Variants in PKP1 observed in about 807,000 individuals in gnomAD.
The protein encoded by PKP1 is plakophilin-1.
Under a neutral mutation model 76.4 loss-of-function variants are expected in PKP1, and 27 were observed. The ratio of observed to expected loss-of-function variants is 0.35; its 90% CI spans 0.26 to 0.49. The LOEUF (loss-of-function observed/expected upper bound fraction) is 0.49, where lower values mean the gene tolerates loss of function less well. Ranked by LOEUF, PKP1 falls within the 20% of genes least tolerant of loss-of-function variation. The probability of loss-of-function intolerance (pLI) is 0.99; values close to 1 mark genes in which losing one functional copy is unlikely to be tolerated. For synonymous variants in PKP1, 404 were observed against 384.2 expected, an observed-to-expected ratio of 1.05 and a Z score of -0.60; for missense variants, 964 against 955.2, an observed-to-expected ratio of 1.01 and a Z score of -0.12.
In PKP1 at chr1:201,324,513, A is replaced by G; in HGVS notation, c.1766A>G (p.Asp589Gly). ...CGCCTCCTGCAATCTGGCAACTCTG[A>G]TGTGGTGCGGTCCGGAGCCTCCCTC... Reference protein sequence around the residue: ...IARLLQSGNSDVVRSGASLLS... With the variant: ...IARLLQSGNSGVVRSGASLLS... The change falls in exon 10 of 14, where the codon GAT becomes GGT. Residue 589 changes from aspartate (D) to glycine (G), a missense_variant. Transcript: ENST00000367324. 1 of 1,614,122 alleles carries G rather than the reference A, an allele frequency of 6.2e-7. No individual in the cohort carries two copies.
intron 1 of PKP1, among the ~76,000 whole-genome samples, chr1:201,288,209 G>T (rs1013439908): frequency 8.5e-5 from 13 of 152,182 alleles, no homozygotes; most frequent in African/African-American, 3.1e-4. Context: ...TCTCCAAAGT[G>T]CTTTGCAATG....
At chr1:201,325,553 C>T (rs1657092273) in intron 11 of PKP1, among the ~76,000 whole-genome samples, 1 of 151,932 alleles carries the variant, frequency 6.6e-6, no homozygotes, top group African/African-American at 2.4e-5. Context: ...TCTAGGTGGG[C>T]AGGGGCATGG....
chr1:201,316,428 C>G lies in PKP1; in HGVS notation c.702-125C>G, dbSNP rs1442473492. On this transcript the variant is annotated intron_variant, in intron 3 of 13. Transcript: ENST00000367324. ...TATTCTCCAAGTGGGCCTGGGCTGC[C>G]TTGTTCTGGCTCTCCAGAGGGCAGA... is the stretch of plus-strand genomic sequence containing the variant. 17 of 1,026,224 alleles carry G rather than the reference C, an allele frequency of 1.7e-5. No homozygotes were observed. In the East Asian group the frequency reaches 3.4e-4, roughly 21 times the overall value. The allele number at this position is 1,026,224 out of a possible 1,614,324, so 63.6% of individuals were successfully genotyped here. A position where few individuals can be genotyped will look rare whatever the true frequency, so the allele number is the denominator to read the frequency against.
At chr1:201,285,304 C>T (rs1227097840) in intron 1 of PKP1, among the ~76,000 whole-genome samples, 1 of 151,528 alleles carries the variant, frequency 6.6e-6, no homozygotes, top group Non-Finnish European at 1.5e-5. Context: ...GTCCCCCCAC[C>T]TACTCCCTAG....
At chr1:201,324,319 A>T in intron 9 of PKP1, 109 bp from the exon 10 acceptor site, 1 of 1,170,606 alleles carries the variant, frequency 8.5e-7, no homozygotes, top group Non-Finnish European at 1.3e-6. Flanking sequence ...TCCAATATGA[A>T]AGAGAAAGGG....
intron 1 of PKP1, among the ~76,000 whole-genome samples, chr1:201,285,960 G>A (rs905773555): frequency 6.6e-6 from 1 of 152,230 alleles, no homozygotes; most frequent in Non-Finnish European, 1.5e-5. Flanking sequence ...CAGACTCTGC[G>A]GAGGTTCCTA....
intron 13 of PKP1, among the ~76,000 whole-genome samples, chr1:201,329,346 A>G (rs1386101925): frequency 3.3e-5 from 5 of 152,204 alleles, no homozygotes; most frequent in African/African-American, 1.2e-4. Context: ...CTCAGAACCA[A>G]TCCTATGATG....
intron 10 of PKP1, 107 bp downstream of exon 10, chr1:201,324,688 C>A: frequency 7.1e-7 from 1 of 1,417,212 alleles, no homozygotes; most frequent in Non-Finnish European, 9.9e-7. Context: ...GATGAGCATT[C>A]CAAGAAAGGA....
intron 12 of PKP1, among the ~76,000 whole-genome samples, chr1:201,327,676 C>T (rs1462922612): frequency 4.6e-5 from 7 of 151,526 alleles, no homozygotes; most frequent in African/African-American, 9.7e-5. Context: ...TTCCCTTCTA[C>T]ACATGCCTTT....
At position 201,328,815 on chromosome 1, in the gene PKP1, G is replaced by C; in HGVS notation, c.2160G>C (p.Arg720Ser). ...LGTLAGANSL[R>S]NFTSRF ...CCTTAGCTGGGGCCAACAGCCTCAGGAACTTCACCTCCCGATTCTAAGAAG... is the reference window on the plus strand; with the variant it reads ...CCTTAGCTGGGGCCAACAGCCTCAGCAACTTCACCTCCCGATTCTAAGAAG... Residue 720 changes from arginine (R) to serine (S), a missense_variant, in exon 13 of 14, where the codon AGG (arginine) becomes AGC (serine). Transcript: ENST00000367324. 1 of 1,614,004 alleles carries C rather than the reference G, an allele frequency of 6.2e-7. No individual in the cohort carries two copies. Among genetic ancestry groups the C allele is most frequent in the Non-Finnish European group, 8.5e-7 (1 of 1,179,910 alleles).
intron 12 of PKP1, among the ~76,000 whole-genome samples, chr1:201,326,649 T>A (rs1657135905): frequency 6.6e-6 from 1 of 152,074 alleles, no homozygotes; most frequent in Admixed American, 6.5e-5. Flanking sequence ...GGGGTCCCAA[T>A]TTGGAGAGGT....
chr1:201,308,718 G>C (rs539209264), intron 2 of PKP1, among the ~76,000 whole-genome samples: 10 of 152,018 alleles, frequency 6.6e-5, no homozygotes, highest in Non-Finnish European at 1.3e-4. Context: ...GGAAGAGATG[G>C]CTGGACAGGC....
At chr1:201,290,487 C>T (rs563539077) in intron 1 of PKP1, among the ~76,000 whole-genome samples, 1 of 152,266 alleles carries the variant, frequency 6.6e-6, no homozygotes, top group East Asian at 1.9e-4. Context: ...GCCCCTCCCC[C>T]ATTCCCCAGG....
At chr1:201,307,709 T>A (rs974772266) in intron 2 of PKP1, among the ~76,000 whole-genome samples, 1 of 152,118 alleles carries the variant, frequency 6.6e-6, no homozygotes, top group Non-Finnish European at 1.5e-5. Context: ...TGAGAGCCCC[T>A]CATCTGGGCA....
Position 201,286,602 on chromosome 1 carries a change from C to T in PKP1, c.202+2698C>T, listed in dbSNP as rs1338493202. 2.0e-5 allele frequency among the ~76,000 whole-genome samples: 3 copies of T among 152,204 alleles called. No homozygotes were observed. In the South Asian group the frequency reaches 6.2e-4, roughly 32 times the overall value. ...TGAAATGCCACAGATCAGACAAGCA[C>T]CTTGCCCTGGTCATGAAGGCCCCGG... On this transcript the variant is annotated intron_variant, in intron 1 of 13. Transcript: ENST00000367324.
chr1:201,323,378 G>A (rs1407252527), intron 9 of PKP1, among the ~76,000 whole-genome samples, 189 bp downstream of exon 9: 1 of 151,732 alleles, frequency 6.6e-6, no homozygotes, highest in African/African-American at 2.4e-5. Context: ...GAGCTGCTGG[G>A]GGATGCAGAG....
At position 201,306,847 on chromosome 1, in the gene PKP1, GTT is replaced by G. The variant is rs56249934; in HGVS notation, c.307-6312_307-6311del. On this transcript the variant is annotated intron_variant, in intron 2 of 13. Transcript: ENST00000367324. ...CCACCACCGTGCCTGGCTACTTTTTGTTTTTTTTGTATTTTTAGTAGAGATGG... is the reference window on the plus strand; with the variant it reads ...CCACCACCGTGCCTGGCTACTTTTTGTTTTTTGTATTTTTAGTAGAGATGG... Among the ~76,000 whole-genome samples the G allele has an allele frequency of 7.9e-5, 12 of 151,702 alleles. No individual in the cohort carries two copies. The East Asian group carries it at 1.9e-3, about 24-fold the overall frequency.
intron 7 of PKP1, among the ~76,000 whole-genome samples, chr1:201,321,518 A>G (rs951978416): frequency 3.9e-5 from 6 of 152,102 alleles, no homozygotes; most frequent in African/African-American, 9.7e-5. Context: ...TGATGGGGGC[A>G]CTAGATGGCT....
At chr1:201,293,056 A>T (rs2268153) in intron 1 of PKP1, among the ~76,000 whole-genome samples, 141 of 152,078 alleles carry the variant, frequency 9.3e-4, no homozygotes, top group South Asian at 5.0e-3. Context: ...GGTAGTGGCC[A>T]AGGAGGGAAG....
Sources: gnomAD v4.1 joint callset for allele counts (sites outside exome capture counted in the v4.1 genomes callset) on GRCh38, gnomAD v4.1.1 for gene constraint, MANE v1.5 for transcripts, NCBI Gene and HGNC (gene_info 2026-07-23, HGNC 2026-07-21) for gene names.